Variants in MACROD2 observed in about 807,000 individuals in gnomAD.
The protein encoded by MACROD2 is ADP-ribose glycohydrolase MACROD2.
In MACROD2, 36 loss-of-function variants were observed where a neutral mutation model predicts 70.4. That is an observed-to-expected ratio of 0.51 (90% CI 0.39 to 0.68). MACROD2 has a LOEUF of 0.68. Among genes scored for constraint, MACROD2 ranks in the 30% least tolerant of loss-of-function variants. The pLI is 0.00. For synonymous variants in MACROD2, 172 were observed against 178.8 expected (o/e 0.96, Z 0.30); for missense variants, 496 against 538.4 (o/e 0.92, Z 0.78).
chr20:14,560,633 G>A (rs6042790), intron 4 of MACROD2, among the ~76,000 whole-genome samples: 6,843 of 151,842 alleles, frequency 0.045, 409 homozygotes, highest in African/African-American at 0.13. Flanking sequence ...CTTTTCTGAA[G>A]TGATTTTCTT....
intron 3 of MACROD2, among the ~76,000 whole-genome samples, chr20:14,086,845 T>A (rs931975492): frequency 1.3e-5 from 2 of 152,170 alleles, no homozygotes; most frequent in Non-Finnish European, 2.9e-5. Flanking sequence ...TAGTAAACTT[T>A]CCCAGAACAC....
chr20:15,168,635 A>G (rs1385044640), intron 5 of MACROD2, among the ~76,000 whole-genome samples: 1 of 152,174 alleles, frequency 6.6e-6, no homozygotes, highest in Non-Finnish European at 1.5e-5. Flanking sequence ...CCATTGGCAG[A>G]TGAATGGATA....
chr20:14,321,527 T>C (rs149152489), intron 3 of MACROD2, among the ~76,000 whole-genome samples: 27 of 152,362 alleles, frequency 1.8e-4, no homozygotes, highest in African/African-American at 6.5e-4. Context: ...AAGACTATGC[T>C]AAATTAAGAT....
intron 5 of MACROD2, among the ~76,000 whole-genome samples, chr20:14,873,791 AG>A (rs1177918910): frequency 1.3e-5 from 2 of 152,074 alleles, no homozygotes; most frequent in Admixed American, 6.6e-5. Context: ...CCCAGGAGGC[AG>A]GGGTTGCAGT....
chr20:15,297,558 G>A (rs2077602174), intron 6 of MACROD2, among the ~76,000 whole-genome samples: 1 of 152,108 alleles, frequency 6.6e-6, no homozygotes, highest in African/African-American at 2.4e-5. Flanking sequence ...GTAACTGGCT[G>A]GGTTTTTCTC....
intron 5 of MACROD2, among the ~76,000 whole-genome samples, chr20:14,841,527 G>A (rs1158171064): frequency 2.7e-5 from 4 of 149,298 alleles, no homozygotes; most frequent in Non-Finnish European, 1.5e-5. Context: ...ATGTTTTCAG[G>A]AAAAAAAAAA....
At chr20:14,884,245 A>G (rs187992785) in intron 5 of MACROD2, 2 of 152,300 alleles carry the variant, frequency 1.3e-5, no homozygotes, top group East Asian at 1.9e-4. Flanking sequence ...AAACCACCCT[A>G]AAAGTTATTG....
intron 6 of MACROD2, among the ~76,000 whole-genome samples, chr20:15,315,999 C>A (rs2077806039): frequency 6.6e-6 from 1 of 151,258 alleles, no homozygotes; most frequent in African/African-American, 2.4e-5. Context: ...AAATAGATTA[C>A]TGTAAATTTA....
chr20:15,919,761 T>C (rs993688707), intron 10 of MACROD2, among the ~76,000 whole-genome samples: 2 of 151,860 alleles, frequency 1.3e-5, no homozygotes. Flanking sequence ...AAAAAAGGAA[T>C]GTGATTATCA....
At chr20:15,577,213 G>A (rs1212758866) in intron 8 of MACROD2, among the ~76,000 whole-genome samples, 1 of 151,238 alleles carries the variant, frequency 6.6e-6, no homozygotes, top group Non-Finnish European at 1.5e-5. Flanking sequence ...TTTTATAATG[G>A]AAAATTTCAA....
intron 15 of MACROD2, among the ~76,000 whole-genome samples, chr20:15,999,326 A>T (rs1436541776): frequency 6.6e-6 from 1 of 151,844 alleles, no homozygotes; most frequent in Non-Finnish European, 1.5e-5. Context: ...TTTTAGTTTT[A>T]TATGTTTGTG....
intron 5 of MACROD2, among the ~76,000 whole-genome samples, chr20:15,172,928 C>A (rs2076433551): frequency 6.6e-6 from 1 of 152,138 alleles, no homozygotes; most frequent in Non-Finnish European, 1.5e-5. Flanking sequence ...AGCTTTCATG[C>A]ATGTTATGAA....
intron 5 of MACROD2, among the ~76,000 whole-genome samples, chr20:15,108,058 G>C (rs1293432095): frequency 6.6e-6 from 1 of 150,482 alleles, no homozygotes; most frequent in East Asian, 1.9e-4. Context: ...AGAGGCTATT[G>C]GTTAAGAGCA....
At chr20:15,153,782 G>A (rs1443426533) in intron 5 of MACROD2, among the ~76,000 whole-genome samples, 5 of 152,144 alleles carry the variant, frequency 3.3e-5, no homozygotes, top group Non-Finnish European at 7.4e-5. Flanking sequence ...AGCATATGGA[G>A]GGCTTCTGGG....
chr20:15,733,006 G>C (rs1343569456), intron 8 of MACROD2, among the ~76,000 whole-genome samples: 1 of 151,986 alleles, frequency 6.6e-6, no homozygotes, highest in Non-Finnish European at 1.5e-5. Context: ...AATAGATACA[G>C]GCCTATTCAC....
chr20:14,688,462 G>T (rs949095250), intron 5 of MACROD2, among the ~76,000 whole-genome samples: 2 of 152,056 alleles, frequency 1.3e-5, no homozygotes, highest in Admixed American at 1.3e-4. Context: ...ACTTTTCACT[G>T]CTTGGATGTT....
chr20:15,813,608 T>C (rs1005651972), intron 8 of MACROD2, among the ~76,000 whole-genome samples: 3 of 152,070 alleles, frequency 2.0e-5, no homozygotes, highest in African/African-American at 7.2e-5. Flanking sequence ...TGAGATCTTG[T>C]CTCTATAAAA....
chr20:14,958,792 G>T (rs2074559170), intron 5 of MACROD2, among the ~76,000 whole-genome samples: 1 of 152,076 alleles, frequency 6.6e-6, no homozygotes, highest in African/African-American at 2.4e-5. Flanking sequence ...CACCTATAGG[G>T]CTTGTTAAAA....
At chr20:14,910,390 A>C (rs1457017819) in intron 5 of MACROD2, among the ~76,000 whole-genome samples, 2 of 152,188 alleles carry the variant, frequency 1.3e-5, no homozygotes, top group African/African-American at 4.8e-5. Context: ...TAATGTGTGC[A>C]AGGAAAACAC....
Sources: gnomAD v4.1 joint callset for allele counts (sites outside exome capture counted in the v4.1 genomes callset) on GRCh38, gnomAD v4.1.1 for gene constraint, MANE v1.5 for transcripts, NCBI Gene and HGNC (gene_info 2026-07-23, HGNC 2026-07-21) for gene names.